RAP1A: variants seen among roughly 807,000 people sequenced by gnomAD.
RAP1A encodes RAP1A, member of RAS oncogene family, also known as ras-related protein Rap-1A.
A neutral mutation model predicts 26.4 loss-of-function variants in RAP1A; 6 were observed. That is an observed-to-expected ratio of 0.23 (90% confidence interval 0.12 to 0.45). RAP1A has a LOEUF of 0.45. RAP1A is among the 20% of genes least tolerant of loss of function. The probability of loss-of-function intolerance (pLI) is 0.99; values close to 1 mark genes in which losing one functional copy is unlikely to be tolerated. For missense variants in RAP1A, 121 were observed against 217.2 expected, an observed-to-expected ratio of 0.56 and a Z score of 2.78; for synonymous variants, 73 against 79.4, an observed-to-expected ratio of 0.92 and a Z score of 0.43.
At chr1:111,686,235 C>T (rs116653718) in intron 1 of RAP1A, among the ~76,000 whole-genome samples, 2,320 of 152,138 alleles carry the variant, frequency 0.015, 65 homozygotes, top group African/African-American at 0.053. Flanking sequence ...TAACAAACCA[C>T]GTTCTGCACA....
intron 1 of RAP1A, among the ~76,000 whole-genome samples, chr1:111,679,147 A>G (rs1397713280): frequency 1.3e-5 from 2 of 152,198 alleles, no homozygotes; most frequent in Admixed American, 6.5e-5. Context: ...AGAGAGACCA[A>G]CGCAGAAGGC....
intron 1 of RAP1A, among the ~76,000 whole-genome samples, chr1:111,583,469 C>CAAA (rs71099919): frequency 1.4e-4 from 20 of 144,000 alleles, no homozygotes; most frequent in African/African-American, 4.1e-4. Context: ...AGACCCCATT[C>CAAA]AAAAAAAAAA....
In RAP1A at chr1:111,590,536, AT is replaced by A. The variant is rs1359785138; in HGVS notation, c.-28+48033del. 3.3e-5 allele frequency among the ~76,000 whole-genome samples: 5 copies of A among 151,692 alleles called. No individual in the cohort carries two copies. The East Asian group carries it at 9.6e-4, about 29-fold the overall frequency. On this transcript the variant is annotated intron_variant, in intron 1 of 7. Transcript: ENST00000356415. Reference sequence around the variant, plus strand: ...CTCTGCATCCATTAAAATAATTTGAATTTTTTCTCCTTTAATGTATAAATGT... The same window carrying A: ...CTCTGCATCCATTAAAATAATTTGAATTTTTCTCCTTTAATGTATAAATGT...
intron 1 of RAP1A, among the ~76,000 whole-genome samples, chr1:111,566,459 T>C (rs1290453243): frequency 6.6e-6 from 1 of 152,066 alleles, no homozygotes; most frequent in East Asian, 1.9e-4. Flanking sequence ...CAAAGCTGGG[T>C]GTCCAAGCAA....
rs553596806 is a variant in RAP1A, at chr1:111,683,029, C to T, written c.-27-8305C>T. ...ATTAAGAAACTCACTCAAAACTGCA[C>T]AACTACATGGAAACTGAACAACCTG... On this transcript the variant is annotated intron_variant, in intron 1 of 7. Transcript: ENST00000369709. 2.2e-4 allele frequency among the ~76,000 whole-genome samples: 34 copies of T among 152,286 alleles called. No homozygotes were observed. The South Asian group carries it at 7.0e-3, about 32-fold the overall frequency.
At chr1:111,680,383 G>C (rs1235683348) in intron 1 of RAP1A, among the ~76,000 whole-genome samples, 1 of 152,172 alleles carries the variant, frequency 6.6e-6, no homozygotes, top group Non-Finnish European at 1.5e-5. Context: ...TTTACAGAAT[G>C]CTGGTTGGTG....
intron 1 of RAP1A, among the ~76,000 whole-genome samples, chr1:111,607,488 G>T (rs958184802): frequency 2.7e-4 from 41 of 152,054 alleles, no homozygotes; most frequent in Non-Finnish European, 5.6e-4. Context: ...CCACAAAACC[G>T]CCATTGTCAT....
chr1:111,615,516 A>C (rs1405560369), upstream of RAP1A, among the ~76,000 whole-genome samples: 1 of 152,168 alleles, frequency 6.6e-6, no homozygotes, highest in Non-Finnish European at 1.5e-5. Context: ...CTTTAAATGC[A>C]ACTTTAATTA....
At chr1:111,694,797 C>T (rs1227099168) in intron 2 of RAP1A, among the ~76,000 whole-genome samples, 1 of 152,146 alleles carries the variant, frequency 6.6e-6, no homozygotes, top group Non-Finnish European at 1.5e-5. Context: ...TTTCTCTTTT[C>T]CACCACAATT....
intron 1 of RAP1A, among the ~76,000 whole-genome samples, chr1:111,690,434 T>C (rs897687531): frequency 6.6e-6 from 1 of 152,254 alleles, no homozygotes; most frequent in Non-Finnish European, 1.5e-5. Context: ...AGCTTCCACT[T>C]CTCTGGCCCA....
chr1:111,659,112 T>C (rs945717630), intron 1 of RAP1A, among the ~76,000 whole-genome samples: 1 of 152,192 alleles, frequency 6.6e-6, no homozygotes, highest in East Asian at 1.9e-4. Context: ...TCTTTACTTT[T>C]AATCTCTGTA....
intron 1 of RAP1A, among the ~76,000 whole-genome samples, chr1:111,661,668 G>A (rs985504536): frequency 1.7e-4 from 26 of 151,550 alleles, no homozygotes; most frequent in African/African-American, 6.1e-4. Flanking sequence ...GCGTGGTGGC[G>A]CATGCCTGTA....
chr1:111,586,329 A>G (rs1472765015), intron 1 of RAP1A, among the ~76,000 whole-genome samples: 1 of 152,230 alleles, frequency 6.6e-6, no homozygotes, highest in Non-Finnish European at 1.5e-5. Context: ...CAACTACATC[A>G]TGGCTACAGT....
chr1:111,645,282 T>C (rs1660029901), intron 1 of RAP1A, among the ~76,000 whole-genome samples: 1 of 152,156 alleles, frequency 6.6e-6, no homozygotes, highest in South Asian at 2.1e-4. Context: ...TGACCTTAAA[T>C]GTGAGAAGGG....
chr1:111,584,640 A>G (rs2101062781), intron 1 of RAP1A, among the ~76,000 whole-genome samples: 1 of 152,306 alleles, frequency 6.6e-6, no homozygotes, highest in East Asian at 1.9e-4. Context: ...CATACTGTAG[A>G]TAAAAGGAGC....
chr1:111,579,673 G>A (rs1044671575), intron 1 of RAP1A, among the ~76,000 whole-genome samples: 1 of 152,036 alleles, frequency 6.6e-6, no homozygotes, highest in Non-Finnish European at 1.5e-5. Context: ...CTAACCTACC[G>A]AACATCATAG....
Position 111,714,045 on chromosome 1 carries a change from TA to T in RAP1A, c.*1645del, listed in dbSNP as rs1662462959. ...CCAGGCATGTGGTCAGCCTGTCACT[TA>T]CTAAACTGAAATTTTAAAATCAGGT... On this transcript the variant is annotated 3_prime_UTR_variant, in exon 8 of 8. Transcript: ENST00000369709. 1 of 152,240 alleles carries T rather than the reference TA, an allele frequency of 6.6e-6. No homozygotes were observed. The highest frequency in any genetic ancestry group is 1.5e-5 in the Non-Finnish European group (1 of 68,034). 9.4% of individuals were successfully genotyped at this position (152,240 alleles called of 1,614,324 possible). A position where few individuals can be genotyped will look rare whatever the true frequency, so the allele number is the denominator to read the frequency against.
chr1:111,680,296 G>A (rs776432891), intron 1 of RAP1A, among the ~76,000 whole-genome samples: 1 of 152,192 alleles, frequency 6.6e-6, no homozygotes, highest in African/African-American at 2.4e-5. Context: ...GGACCCAAGC[G>A]GGTTGCGACT....
rs397981230 is a variant in RAP1A, at chr1:111,555,362, T to TAAAAAAAAAAAAAA, written c.-28+12869_-28+12882dup. ...GCCTGGGTGACAGACTGAGACTCTGTAAAAAAAAAAAAAAAAAAAAAAAAA... is the reference window on the plus strand; with the variant it reads ...GCCTGGGTGACAGACTGAGACTCTGTAAAAAAAAAAAAAAAAAAAAAAAAAAAAAAAAAAAAAAA... On this transcript the variant is annotated intron_variant, in intron 1 of 7. Transcript: ENST00000356415. Among the ~76,000 whole-genome samples, 5 of 47,640 alleles carry TAAAAAAAAAAAAAA rather than the reference T, an allele frequency of 1.0e-4. 1 individual carries two copies. The highest frequency in any genetic ancestry group is 3.6e-4 in the African/African-American group (3 of 8,386). The allele number at this position is 47,640 out of a possible 152,430, so 31.3% of individuals were successfully genotyped here. A position where few individuals can be genotyped will look rare whatever the true frequency, so the allele number is the denominator to read the frequency against.
Sources: gnomAD v4.1 joint callset for allele counts (sites outside exome capture counted in the v4.1 genomes callset) on GRCh38, gnomAD v4.1.1 for gene constraint, MANE v1.5 for transcripts, NCBI Gene and HGNC (gene_info 2026-07-23, HGNC 2026-07-21) for gene names.